The following SLC1A3 variants were observed in gnomAD, a reference collection of about 807,000 sequenced individuals.
SLC1A3 encodes solute carrier family 1 member 3.
Under a neutral mutation model 48.1 loss-of-function variants are expected in SLC1A3, and 21 were observed. The ratio of observed to expected loss-of-function variants is 0.44; its 90% CI spans 0.31 to 0.63. The LOEUF is 0.63. SLC1A3 is among the 20% of genes least tolerant of loss of function. The probability of loss-of-function intolerance (pLI) is 0.08; values close to 1 mark genes in which losing one functional copy is unlikely to be tolerated. For missense variants in SLC1A3, 546 were observed against 689.0 expected, an observed-to-expected ratio of 0.79 and a Z score of 2.32; for synonymous variants, 239 against 251.4, an observed-to-expected ratio of 0.95 and a Z score of 0.47.
intron 2 of SLC1A3, among the ~76,000 whole-genome samples, chr5:36,616,350 G>A (rs975110961): frequency 6.6e-6 from 1 of 152,154 alleles, no homozygotes; most frequent in Admixed American, 6.5e-5. Flanking sequence ...GCCCAAAAAG[G>A]TTTAGATAAA....
At chr5:36,629,628 T>G (rs375834690) in intron 3 of SLC1A3, 41 bp downstream of exon 3, 15 of 1,566,790 alleles carry the variant, frequency 9.6e-6, no homozygotes, top group Non-Finnish European at 1.1e-5. Context: ...TTTTTTTAAG[T>G]GTGTTTATTG....
At chr5:36,636,467 C>CT (rs1459029144) in intron 3 of SLC1A3, 8 of 31,382 alleles carry the variant, frequency 2.5e-4, no homozygotes, top group African/African-American at 8.7e-4. Flanking sequence ...TCTTTCTTTT[C>CT]TTTCTTTCTT....
chr5:36,606,316 A>T (rs568324054), upstream of SLC1A3: 2 of 152,374 alleles, frequency 1.3e-5, no homozygotes, highest in South Asian at 4.1e-4. Context: ...AAGTCTTTGA[A>T]ACGTTCTAAT....
intron 2 of SLC1A3, among the ~76,000 whole-genome samples, chr5:36,611,280 T>TAAAA (rs11336594): frequency 7.5e-6 from 1 of 132,512 alleles, no homozygotes; most frequent in African/African-American, 2.8e-5. Context: ...TTGCTTTTAG[T>TAAAA]AAAAAAAAAA....
intron 1 of SLC1A3, 145 bp from the exon 2 acceptor site, chr5:36,608,184 C>CAA: frequency 1.9e-6 from 1 of 515,248 alleles, no homozygotes; most frequent in Non-Finnish European, 3.5e-6. Context: ...ATGCACACTG[C>CAA]AACCTTGAGG....
chr5:36,615,794 A>G (rs952429065), intron 2 of SLC1A3, among the ~76,000 whole-genome samples: 2 of 152,248 alleles, frequency 1.3e-5, no homozygotes, highest in Admixed American at 6.5e-5. Flanking sequence ...ACTATCATTC[A>G]TCAAGTATTT....
At chr5:36,680,255 C>T (rs182536176) in intron 7 of SLC1A3, 140 bp from the exon 8 acceptor site, 6 of 758,980 alleles carry the variant, frequency 7.9e-6, no homozygotes, top group Non-Finnish European at 1.1e-5. Context: ...ACCTGCTCCC[C>T]TATTTATACA....
At position 36,686,720 on chromosome 5, in the gene SLC1A3, A is replaced by G. The variant is rs141530300; in HGVS notation, c.*451A>G. On this transcript the variant is annotated 3_prime_UTR_variant, in exon 10 of 10. Coordinates refer to ENST00000265113, the MANE Select transcript of SLC1A3 (RefSeq NM_004172.5). ...AATTACAACCGGTTATCAGTTGGAC[A>G]GTAAGATTTTATCCCTTTCTCTTCT... 830 of 263,318 alleles carry G rather than the reference A, an allele frequency of 3.2e-3. 6 individuals carry two copies. The highest frequency in any genetic ancestry group is 0.018 in the African/African-American group (782 of 43,400). 16.3% of individuals were successfully genotyped at this position (263,318 alleles called of 1,614,324 possible). A position where few individuals can be genotyped will look rare whatever the true frequency, so the allele number is the denominator to read the frequency against.
chr5:36,665,998 A>T (rs73089419), intron 3 of SLC1A3, among the ~76,000 whole-genome samples: 398 of 152,310 alleles, frequency 2.6e-3, no homozygotes, highest in African/African-American at 9.4e-3. Context: ...GCCAGAAGAA[A>T]ATATTTTTGC....
At chr5:36,681,098 G>A (rs1259007756) in intron 8 of SLC1A3, among the ~76,000 whole-genome samples, 2 of 152,122 alleles carry the variant, frequency 1.3e-5, no homozygotes, top group African/African-American at 4.8e-5. Context: ...ATATAAATAT[G>A]TATAAAGTAA....
At chr5:36,643,704 G>A (rs1413856683) in intron 3 of SLC1A3, among the ~76,000 whole-genome samples, 1 of 152,074 alleles carries the variant, frequency 6.6e-6, no homozygotes, top group Non-Finnish European at 1.5e-5. Context: ...TCTTACAAAG[G>A]GTAACGTGGG....
chr5:36,681,814 G>C (rs559654697), intron 8 of SLC1A3, among the ~76,000 whole-genome samples: 69 of 152,236 alleles, frequency 4.5e-4, no homozygotes, highest in African/African-American at 1.6e-3. Context: ...CTTCATTGTT[G>C]TGGGGTTTTT....
At position 36,664,818 on chromosome 5, in the gene SLC1A3, T is replaced by C. The variant is rs1391481806; in HGVS notation, c.320-6211T>C. 2.0e-5 allele frequency among the ~76,000 whole-genome samples: 3 copies of C among 152,338 alleles called. 1 individual carries two copies. Among genetic ancestry groups the C allele is most frequent in the African/African-American group, 7.2e-5 (3 of 41,566 alleles). Reference sequence around the variant, plus strand: ...GATAGAGCTATAGCAGTTACTTCTATAGGCTCATCTGCAAGAGGGAAATAT... The same window carrying C: ...GATAGAGCTATAGCAGTTACTTCTACAGGCTCATCTGCAAGAGGGAAATAT... On this transcript the variant is annotated intron_variant, in intron 3 of 9. Transcript: ENST00000265113.
At chr5:36,684,029 C>T in intron 9 of SLC1A3, 31 bp downstream of exon 9, 1 of 1,613,912 alleles carries the variant, frequency 6.2e-7, no homozygotes, top group Non-Finnish European at 8.5e-7. Flanking sequence ...TTCCAGCTCA[C>T]TGTCACAGGG....
intron 3 of SLC1A3, among the ~76,000 whole-genome samples, chr5:36,637,230 G>T (rs1356300330): frequency 2.6e-5 from 4 of 152,190 alleles, no homozygotes; most frequent in African/African-American, 4.8e-5. Flanking sequence ...GCAGGCCAAG[G>T]TTGGGTCCGC....
chr5:36,609,798 T>A (rs1252500628), intron 2 of SLC1A3, among the ~76,000 whole-genome samples: 2 of 152,186 alleles, frequency 1.3e-5, no homozygotes. Flanking sequence ...CCACAGTAGG[T>A]TTCCAGGCTT....
chr5:36,609,471 A>G (rs552724453), intron 2 of SLC1A3, among the ~76,000 whole-genome samples: 14 of 152,320 alleles, frequency 9.2e-5, no homozygotes, highest in Admixed American at 8.5e-4. Context: ...ATTTGCCACC[A>G]AAAAAGAGGC....
chr5:36,678,935 G>A (rs764508530), intron 6 of SLC1A3, among the ~76,000 whole-genome samples: 7 of 152,286 alleles, frequency 4.6e-5, no homozygotes, highest in Admixed American at 4.6e-4. Context: ...AGTGGTACTA[G>A]ATTTCCATTT....
At chr5:36,606,026 C>A (rs1324926929), upstream of SLC1A3, among the ~76,000 whole-genome samples, 1 of 152,184 alleles carries the variant, frequency 6.6e-6, no homozygotes, top group African/African-American at 2.4e-5. Flanking sequence ...GCAGTGTGAG[C>A]TAAATTAGGT....
Sources: allele counts gnomAD v4.1 joint callset (sites outside exome capture counted in the v4.1 genomes callset), GRCh38; gene constraint gnomAD v4.1.1; transcripts MANE v1.5; gene names NCBI Gene and HGNC (gene_info 2026-07-23, HGNC 2026-07-21).